The following USP14 variants were observed in gnomAD, a reference collection of about 807,000 sequenced individuals.
USP14 encodes the protein ubiquitin carboxyl-terminal hydrolase 14.
Under a neutral mutation model 76.5 loss-of-function variants are expected in USP14, and 38 were observed. The observed-to-expected ratio is 0.50, with a 90% CI of 0.38 to 0.65. The LOEUF is 0.65. USP14 is among the 30% of genes least tolerant of loss of function. USP14 has a pLI of 0.00. For missense variants in USP14, 467 were observed against 586.5 expected, an observed-to-expected ratio of 0.80 and a Z score of 2.10; for synonymous variants, 192 against 191.7, an observed-to-expected ratio of 1.00 and a Z score of -0.01.
Position 211,221 on chromosome 18 carries a change from C to T in USP14, c.1422C>T (p.Ile474=), listed in dbSNP as rs374369626. The T allele has an allele frequency of 7.1e-5, 114 of 1,613,944 alleles. No individual in the cohort carries two copies. The highest frequency in any genetic ancestry group is 9.1e-5 in the Non-Finnish European group (107 of 1,179,966). The change falls in exon 16 of 16, where the codon ATC becomes ATT. Residue 474 remains isoleucine (I), a synonymous_variant. Transcript: ENST00000261601. ...LRLSGGGDWH[I]AYVLLYGPRR... is the part of the protein sequence containing the mutation. ...TTTCTGGTGGTGGAGACTGGCATAT[C>T]GCTTACGTTCTACTCTATGGGCCTC... is the stretch of plus-strand genomic sequence containing the variant.
At chr18:158,844 C>A in intron 1 of USP14, 130 bp downstream of exon 1, 1 of 1,241,792 alleles carries the variant, frequency 8.1e-7, no homozygotes, top group Non-Finnish European at 1.0e-6. Context: ...GGGCCGGCGG[C>A]GCGGAGATGA....
intron 7 of USP14, among the ~76,000 whole-genome samples, chr18:197,210 A>G (rs187727329): frequency 6.6e-6 from 1 of 152,316 alleles, no homozygotes; most frequent in Non-Finnish European, 1.5e-5. Flanking sequence ...GTGCAAGACC[A>G]GCTCCCTCAC....
intron 2 of USP14, among the ~76,000 whole-genome samples, chr18:166,081 T>G (rs958912530): frequency 1.3e-5 from 2 of 152,242 alleles, no homozygotes; most frequent in African/African-American, 4.8e-5. Flanking sequence ...TTATAGACAT[T>G]AACTCTTCAT....
intron 3 of USP14, among the ~76,000 whole-genome samples, chr18:176,633 A>G (rs1322678938): frequency 1.3e-5 from 2 of 152,012 alleles, no homozygotes. Flanking sequence ...ATTGTTTTCA[A>G]ATGTTTTATA....
At chr18:203,917 T>A (rs1001144546) in intron 12 of USP14, among the ~76,000 whole-genome samples, 1 of 152,038 alleles carries the variant, frequency 6.6e-6, no homozygotes, top group African/African-American at 2.4e-5. Flanking sequence ...GCCCAAAGAG[T>A]ACTTAAATTG....
At chr18:199,627 G>A (rs1910333880) in intron 10 of USP14, among the ~76,000 whole-genome samples, 1 of 152,182 alleles carries the variant, frequency 6.6e-6, no homozygotes, top group Non-Finnish European at 1.5e-5. Flanking sequence ...GCTGTCTAGT[G>A]TTTCTAGGTG....
In USP14 at chr18:214,105, ACAGT is replaced by A. The variant is rs1457369752; in HGVS notation, c.*2822_*2825del. The A allele has an allele frequency of 2.0e-5, 3 of 147,934 alleles. No individual in the cohort carries two copies. The highest frequency in any genetic ancestry group is 2.5e-5 in the African/African-American group (1 of 40,792). The allele number at this position is 147,934 out of a possible 1,614,324, so 9.2% of individuals were successfully genotyped here. A position where few individuals can be genotyped will look rare whatever the true frequency, so the allele number is the denominator to read the frequency against. ...TGTTATAGTGTAGCTGGAGCCATAG[ACAGT>A]TAGTTAGTTAGTTATGAGTGAGCAC... On this transcript the variant is annotated 3_prime_UTR_variant, in exon 16 of 16. Transcript: ENST00000261601.
chr18:180,686 C>A (rs1909762742), intron 5 of USP14, among the ~76,000 whole-genome samples: 1 of 152,192 alleles, frequency 6.6e-6, no homozygotes, highest in South Asian at 2.1e-4. Flanking sequence ...AATATGTGGC[C>A]TTTTTGCGGC....
intron 12 of USP14, among the ~76,000 whole-genome samples, chr18:204,129 A>AAT (rs1270696709): frequency 2.6e-5 from 4 of 152,078 alleles, no homozygotes; most frequent in African/African-American, 9.7e-5. Flanking sequence ...GTATACTTTA[A>AAT]ATATATACTA....
intron 4 of USP14, among the ~76,000 whole-genome samples, chr18:179,487 CA>C (rs1361055145): frequency 6.6e-6 from 1 of 150,478 alleles, no homozygotes; most frequent in Non-Finnish European, 1.5e-5. Flanking sequence ...AATTTAAATG[CA>C]AAATCAGTTT....
chr18:196,538 T>C, intron 6 of USP14, 99 bp from the exon 7 acceptor site: 1 of 1,329,598 alleles, frequency 7.5e-7, no homozygotes, highest in South Asian at 1.6e-5. Context: ...AAAAAAAAAA[T>C]TAAGTAAGTT....
At chr18:186,111 G>T (rs952876504) in intron 5 of USP14, among the ~76,000 whole-genome samples, 2 of 151,936 alleles carry the variant, frequency 1.3e-5, no homozygotes, top group Non-Finnish European at 2.9e-5. Flanking sequence ...CCATCTTCTC[G>T]GCCCTTATGT....
intron 6 of USP14, among the ~76,000 whole-genome samples, chr18:193,220 A>G (rs1024103338): frequency 1.3e-4 from 20 of 152,304 alleles, no homozygotes; most frequent in Admixed American, 5.9e-4. Flanking sequence ...TAATCCATGT[A>G]TCATTATAAA....
At chr18:210,174 A>G (rs1008528737) in intron 14 of USP14, 143 bp downstream of exon 14, 2 of 763,076 alleles carry the variant, frequency 2.6e-6, no homozygotes, top group Admixed American at 3.2e-5. Context: ...TTAATGACAT[A>G]TAGTAAATTT....
chr18:193,051 T>C, intron 6 of USP14, 151 bp downstream of exon 6: 1 of 470,862 alleles, frequency 2.1e-6, no homozygotes, highest in Non-Finnish European at 3.7e-6. Context: ...ACTTGGTACT[T>C]ATTTTATCGT....
intron 6 of USP14, 32 bp from the exon 7 acceptor site, chr18:196,605 T>TA (rs1291681120): frequency 6.3e-7 from 1 of 1,595,450 alleles, no homozygotes; most frequent in African/African-American, 1.4e-5. Context: ...ATGTGACTGT[T>TA]TTACTAAGGC....
chr18:191,175 G>T (rs984300649), intron 5 of USP14, among the ~76,000 whole-genome samples: 2 of 152,118 alleles, frequency 1.3e-5, no homozygotes, highest in East Asian at 3.8e-4. Flanking sequence ...TTGCTAAAAT[G>T]TCTTAACAGG....
At chr18:204,761 G>T (rs1910482207) in intron 13 of USP14, 69 bp downstream of exon 13, 3 of 1,549,782 alleles carry the variant, frequency 1.9e-6, no homozygotes, top group Admixed American at 2.2e-5. Flanking sequence ...CAATTACTCT[G>T]TCTTTTTTTT....
At chr18:209,851 G>T in intron 13 of USP14, 120 bp from the exon 14 acceptor site, 3 of 659,204 alleles carry the variant, frequency 4.6e-6, no homozygotes, top group South Asian at 2.3e-5. Context: ...TTGGAAGGTA[G>T]ACTGTATTTT....
Sources: gnomAD v4.1 joint callset for allele counts (sites outside exome capture counted in the v4.1 genomes callset) on GRCh38, gnomAD v4.1.1 for gene constraint, MANE v1.5 for transcripts, NCBI Gene and HGNC (gene_info 2026-07-23, HGNC 2026-07-21) for gene names.